The following NPAS3 variants were observed in gnomAD, a reference collection of about 807,000 sequenced individuals.
NPAS3 encodes the protein neuronal PAS domain protein 3, also known as neuronal PAS domain-containing protein 3.
Under a neutral mutation model 73.1 loss-of-function variants are expected in NPAS3, and 14 were observed. That is an observed-to-expected ratio of 0.19 (90% CI 0.13 to 0.30). The LOEUF is 0.30. NPAS3 is among the 10% of genes least tolerant of loss of function. The probability of loss-of-function intolerance (pLI) is 1.00; values close to 1 mark genes in which losing one functional copy is unlikely to be tolerated. For missense variants in NPAS3, 1,096 were observed against 1,250.0 expected, an observed-to-expected ratio of 0.88 and a Z score of 1.86; for synonymous variants, 620 against 541.5, an observed-to-expected ratio of 1.14 and a Z score of -2.01.
chr14:33,066,874 A>G (rs1028225631), intron 2 of NPAS3, among the ~76,000 whole-genome samples: 1 of 152,208 alleles, frequency 6.6e-6, no homozygotes, highest in African/African-American at 2.4e-5. Flanking sequence ...GCAATAATGC[A>G]TAGACTGCAT....
chr14:32,978,392 T>C (rs1372624726), intron 1 of NPAS3, among the ~76,000 whole-genome samples: 1 of 152,190 alleles, frequency 6.6e-6, no homozygotes, highest in Non-Finnish European at 1.5e-5. Flanking sequence ...GAGAGCATCA[T>C]TTCACTTGTA....
intron 2 of NPAS3, among the ~76,000 whole-genome samples, chr14:33,131,642 G>A (rs1423309734): frequency 1.3e-5 from 2 of 151,972 alleles, no homozygotes; most frequent in East Asian, 1.9e-4. Context: ...TAGAAAATAC[G>A]GCAAACTCAT....
intron 1 of NPAS3, among the ~76,000 whole-genome samples, chr14:32,967,556 C>T (rs2037227289): frequency 1.3e-5 from 2 of 152,106 alleles, no homozygotes; most frequent in Non-Finnish European, 2.9e-5. Context: ...TAAAAGAAGA[C>T]ATACAAATGG....
At chr14:33,601,518 G>C (rs1775632734) in intron 5 of NPAS3, among the ~76,000 whole-genome samples, 1 of 152,206 alleles carries the variant, frequency 6.6e-6, no homozygotes, top group African/African-American at 2.4e-5. Context: ...TGGAAAACCA[G>C]CTTGGAGATA....
chr14:33,350,442 G>C (rs938143784), intron 3 of NPAS3, among the ~76,000 whole-genome samples: 1 of 152,166 alleles, frequency 6.6e-6, no homozygotes, highest in South Asian at 2.1e-4. Flanking sequence ...TTCACACCAT[G>C]GTTTATGCAT....
Position 32,961,957 on chromosome 14 carries a change from AAGTT to A in NPAS3, c.50+22597_50+22600del, listed in dbSNP as rs1480598806. ...GCCTAAGTGTAATACAAATTAACAC[AAGTT>A]AGTTATTTACTCTAAGTAAATAATT... On this transcript the variant is annotated intron_variant, in intron 1 of 11. Transcript: ENST00000356141. Among the ~76,000 whole-genome samples the A allele has an allele frequency of 4.6e-5, 7 of 152,236 alleles. No homozygotes were observed. In the East Asian group the frequency reaches 7.7e-4, roughly 17 times the overall value.
chr14:33,475,069 C>G (rs1439956527), intron 4 of NPAS3, among the ~76,000 whole-genome samples: 1 of 151,878 alleles, frequency 6.6e-6, no homozygotes, highest in Non-Finnish European at 1.5e-5. Context: ...GCACTCCTAC[C>G]CTCTCAACCT....
At chr14:33,801,808 T>G (rs1289238476), downstream of NPAS3, 1 of 152,600 alleles carries the variant, frequency 6.6e-6, no homozygotes, top group Non-Finnish European at 1.5e-5. Flanking sequence ...TGCTATCATT[T>G]ATTAATCTGT....
chr14:33,130,787 G>T (rs2043607794), intron 2 of NPAS3, among the ~76,000 whole-genome samples: 1 of 152,128 alleles, frequency 6.6e-6, no homozygotes, highest in African/African-American at 2.4e-5. Context: ...GCTAAATGCA[G>T]AAATAGAACC....
intron 3 of NPAS3, among the ~76,000 whole-genome samples, chr14:33,230,816 G>A (rs985093900): frequency 3.9e-5 from 6 of 152,034 alleles, no homozygotes; most frequent in African/African-American, 1.4e-4. Context: ...CAATTAAATG[G>A]AGTAAATGTC....
At chr14:33,107,344 A>G in intron 2 of NPAS3, among the ~76,000 whole-genome samples, 1 of 152,172 alleles carries the variant, frequency 6.6e-6, no homozygotes, top group Non-Finnish European at 1.5e-5. Flanking sequence ...AAATGAATTC[A>G]TCACCCAGGC....
chr14:32,966,457 A>G (rs1199638686), intron 1 of NPAS3, among the ~76,000 whole-genome samples: 3 of 152,202 alleles, frequency 2.0e-5, no homozygotes, highest in Non-Finnish European at 2.9e-5. Flanking sequence ...GAAAAGGACA[A>G]TCTCTTCAGG....
At chr14:33,140,584 A>T (rs1014669190) in intron 2 of NPAS3, among the ~76,000 whole-genome samples, 1 of 152,142 alleles carries the variant, frequency 6.6e-6, no homozygotes, top group African/African-American at 2.4e-5. Context: ...TAAATCATGC[A>T]TGCTTCACCG....
intron 5 of NPAS3, among the ~76,000 whole-genome samples, chr14:33,593,694 A>G (rs2057145233): frequency 6.6e-6 from 1 of 152,244 alleles, no homozygotes; most frequent in African/African-American, 2.4e-5. Flanking sequence ...ATTCTATTCT[A>G]ACATCTAAGA....
chr14:33,529,378 C>T (rs546607378), intron 4 of NPAS3, among the ~76,000 whole-genome samples: 1 of 152,088 alleles, frequency 6.6e-6, no homozygotes, highest in East Asian at 1.9e-4. Context: ...GACAAAATAA[C>T]CTCGTAACAG....
intron 2 of NPAS3, among the ~76,000 whole-genome samples, chr14:33,098,242 T>C (rs942336488): frequency 2.0e-5 from 3 of 152,160 alleles, no homozygotes; most frequent in African/African-American, 7.2e-5. Context: ...AGCACTGTAG[T>C]TTTGCCCTAT....
chr14:33,759,732 C>T (rs1566508445), intron 7 of NPAS3, among the ~76,000 whole-genome samples: 1 of 152,214 alleles, frequency 6.6e-6, no homozygotes, highest in Admixed American at 6.5e-5. Context: ...TTTACCTGGC[C>T]TGCTACTGGT....
rs192622082 is a variant in NPAS3 at position 33,400,494 on chromosome 14, G to A, written c.468+33226G>A. Among the ~76,000 whole-genome samples, 361 of 152,220 alleles carry A rather than the reference G, an allele frequency of 2.4e-3. 2 individuals are homozygous for A. The highest frequency in any genetic ancestry group is 6.8e-3 in the Middle Eastern group (2 of 294). On this transcript the variant is annotated intron_variant, in intron 4 of 11. Transcript: ENST00000356141. Reference sequence around the variant, plus strand: ...AATTCTCACAGCATTAACTAAAGGCGAAGACTGGTGGTTGGTCAGAAAATT... The same window carrying A: ...AATTCTCACAGCATTAACTAAAGGCAAAGACTGGTGGTTGGTCAGAAAATT...
intron 2 of NPAS3, among the ~76,000 whole-genome samples, chr14:33,198,915 C>T (rs973173300): frequency 4.6e-5 from 7 of 152,180 alleles, no homozygotes; most frequent in East Asian, 1.9e-4. Context: ...AGAATTTGAG[C>T]GCGGCGTGGA....
Sources: allele counts gnomAD v4.1 joint callset (sites outside exome capture counted in the v4.1 genomes callset), GRCh38; gene constraint gnomAD v4.1.1; transcripts MANE v1.5; gene names NCBI Gene and HGNC (gene_info 2026-07-23, HGNC 2026-07-21).